The following SMAD1 variants were observed in gnomAD, a reference collection of about 807,000 sequenced individuals.
The protein encoded by SMAD1 is SMAD family member 1.
In SMAD1, 6 loss-of-function variants were observed where a neutral mutation model predicts 41.6. That is an observed-to-expected ratio of 0.14 (90% CI 0.08 to 0.28). The LOEUF is 0.28. Ranked by LOEUF, SMAD1 falls within the 10% of genes least tolerant of loss-of-function variation. The probability of loss-of-function intolerance (pLI) is 1.00; values close to 1 mark genes in which losing one functional copy is unlikely to be tolerated. For missense variants in SMAD1, 379 were observed against 582.6 expected (o/e 0.65, Z 3.60); for synonymous variants, 206 against 203.2 (o/e 1.01, Z -0.12).
chr4:145,522,472 C>T (rs1458283130), intron 2 of SMAD1, among the ~76,000 whole-genome samples: 2 of 151,498 alleles, frequency 1.3e-5, no homozygotes, highest in Non-Finnish European at 2.9e-5. Context: ...TGGTGGTGCA[C>T]GGCCTGTAAT....
At chr4:145,552,553 A>C (rs1328746514) in intron 5 of SMAD1, among the ~76,000 whole-genome samples, 4 of 152,196 alleles carry the variant, frequency 2.6e-5, no homozygotes, top group Admixed American at 2.6e-4. Context: ...TGGGTCTCAC[A>C]GGAAGAAGTT....
intron 2 of SMAD1, 133 bp from the exon 3 acceptor site, chr4:145,539,671 C>T (rs982916995): frequency 2.4e-6 from 2 of 822,540 alleles, no homozygotes; most frequent in Admixed American, 2.6e-5. Context: ...TTGAATGATG[C>T]TTTTGAGTTG....
Position 145,482,587 on chromosome 4 carries a change from G to A in SMAD1, c.-177+549G>A, listed in dbSNP as rs1406927640. On this transcript the variant is annotated intron_variant, in intron 1 of 6. Transcript: ENST00000302085. This position sits in a 1 kb window ranked among gnomAD's most constrained non-coding sequence, Gnocchi z 4.2. ...TGGTGGAGCGGGTCTCGCGGGCGGGGGACCCCGGCGCCCCGGGCCCCTCCA... is the reference window on the plus strand; with the variant it reads ...TGGTGGAGCGGGTCTCGCGGGCGGGAGACCCCGGCGCCCCGGGCCCCTCCA... 6.7e-6 allele frequency: 1 copy of A among 149,614 alleles called. No individual in the cohort carries two copies. 9.3% of individuals were successfully genotyped at this position (149,614 alleles called of 1,614,324 possible).
intron 4 of SMAD1, among the ~76,000 whole-genome samples, chr4:145,543,679 T>C (rs905051474): frequency 2.6e-5 from 4 of 152,140 alleles, no homozygotes; most frequent in African/African-American, 4.8e-5. Context: ...CAGCTCTACA[T>C]AGGCAAGTAG....
chr4:145,542,666 C>T lies in SMAD1; in HGVS notation c.743C>T (p.Ala248Val), dbSNP rs576994811. Residue 248 changes from alanine to valine, a missense_variant, in exon 4 of 7, where the codon GCG becomes GTG. Around this residue, in one of 3 missense-constraint regions of SMAD1, gnomAD observed 208 missense variants for 210.5 expected, o/e 0.99. Transcript: ENST00000302085. The stretch of plus-strand genomic sequence containing the variant: ...CAGCCGATGGACACAAACATGATGG[C>T]GCCTCCCCTGCCCTCAGAAATCAAC... ...GSQPMDTNMM[A>V]PPLPSEINRG... The T allele has an allele frequency of 3.7e-5, 59 of 1,612,348 alleles. No individual in the cohort carries two copies. Among genetic ancestry groups the T allele is most frequent in the South Asian group, 2.5e-4 (23 of 90,630 alleles).
chr4:145,510,337 C>T (rs993975696), intron 1 of SMAD1, among the ~76,000 whole-genome samples: 1 of 151,878 alleles, frequency 6.6e-6, no homozygotes, highest in Non-Finnish European at 1.5e-5. Context: ...AAATCTTTGG[C>T]GGGTATTAGA....
chr4:145,489,661 A>G (rs1728671493), intron 1 of SMAD1, among the ~76,000 whole-genome samples: 1 of 152,218 alleles, frequency 6.6e-6, no homozygotes, highest in East Asian at 1.9e-4. Flanking sequence ...CAAATGATAA[A>G]TTAGACTTGA....
chr4:145,532,963 T>A lies in SMAD1; in HGVS notation c.401-6841T>A, dbSNP rs149865657. Reference sequence around the variant, plus strand: ...GAATGTTTCTTCTTTCCTTTTTGCCTAATAGAAAACATATTTTAATTATTC... The same window carrying A: ...GAATGTTTCTTCTTTCCTTTTTGCCAAATAGAAAACATATTTTAATTATTC... On this transcript the variant is annotated intron_variant, in intron 2 of 6. Coordinates refer to ENST00000302085, the MANE Select transcript of SMAD1 (RefSeq NM_005900.3). Among the ~76,000 whole-genome samples the A allele has an allele frequency of 5.2e-5, 8 of 152,384 alleles. No individual in the cohort carries two copies. The East Asian group carries it at 1.3e-3, about 26-fold the overall frequency.
In SMAD1 at chr4:145,509,644, A is replaced by T. The variant is rs556539382; in HGVS notation, c.-176-4794A>T. On this transcript the variant is annotated intron_variant, in intron 1 of 6. Coordinates refer to ENST00000302085, the MANE Select transcript of SMAD1 (RefSeq NM_005900.3). ...AAGAAATACACTCCCTCTATAAATT[A>T]TTCCCAGAAGCCTAGAAAAAAGTTC... Among the ~76,000 whole-genome samples the T allele has an allele frequency of 5.3e-5, 8 of 152,272 alleles. No individual in the cohort carries two copies. In the South Asian group the frequency reaches 1.7e-3, roughly 32 times the overall value.
chr4:145,509,856 G>A (rs1371216121), intron 1 of SMAD1, among the ~76,000 whole-genome samples: 3 of 152,048 alleles, frequency 2.0e-5, no homozygotes, highest in Non-Finnish European at 2.9e-5. Flanking sequence ...GGAAAACAGC[G>A]GACACCCTGT....
At chr4:145,545,221 C>G (rs1420920835) in intron 4 of SMAD1, 1 of 152,140 alleles carries the variant, frequency 6.6e-6, no homozygotes, top group East Asian at 1.9e-4. Context: ...TTCTGTGTTA[C>G]AAGGGCAGAA....
In SMAD1 at chr4:145,558,826, C is replaced by T. The variant is rs1388054316; in HGVS notation, c.*892C>T. Reference sequence around the variant, plus strand: ...TGTGAGAGCAAATGAATAATTCCTGCTATTCTGAAATTGCCTACATGTTTC... The same window carrying T: ...TGTGAGAGCAAATGAATAATTCCTGTTATTCTGAAATTGCCTACATGTTTC... On this transcript the variant is annotated 3_prime_UTR_variant, in exon 7 of 7. Coordinates refer to ENST00000302085, the MANE Select transcript of SMAD1 (RefSeq NM_005900.3). Among the ~76,000 whole-genome samples, 2 of 152,066 alleles carry T rather than the reference C, an allele frequency of 1.3e-5. No homozygotes were observed. The highest frequency in any genetic ancestry group is 2.9e-5 in the Non-Finnish European group (2 of 68,026).
chr4:145,486,908 C>T (rs192539697), intron 1 of SMAD1, among the ~76,000 whole-genome samples: 2 of 152,186 alleles, frequency 1.3e-5, no homozygotes, highest in Non-Finnish European at 1.5e-5. Context: ...TTTCTCCCTA[C>T]CACGCTCACG....
rs570180289 is a variant in SMAD1, at chr4:145,548,324, G to T, written c.997+1400G>T. ...GCTCACTGCAACCTCCACCTCCCAG[G>T]TTCAAGTGATTCTTGTGCCTCAGCC... On this transcript the variant is annotated intron_variant, in intron 5 of 6. Transcript: ENST00000302085. Among the ~76,000 whole-genome samples the T allele has an allele frequency of 4.6e-5, 7 of 152,108 alleles. No individual in the cohort carries two copies. The South Asian group carries it at 1.0e-3, about 23-fold the overall frequency.
In SMAD1 at chr4:145,488,596, T is replaced by TG. The variant is rs542887602; in HGVS notation, c.-177+6565dup. On this transcript the variant is annotated intron_variant, in intron 1 of 6. Coordinates refer to ENST00000302085, the MANE Select transcript of SMAD1 (RefSeq NM_005900.3). ...GTTTCAAACACTTCAAGAAAAAAGG[T>TG]GGGGGGGAGACTCTCTCAACGGTTA... Among the ~76,000 whole-genome samples the TG allele has an allele frequency of 4.4e-3, 670 of 151,404 alleles. 5 individuals are homozygous for TG. The highest frequency in any genetic ancestry group is 0.015 in the African/African-American group (634 of 41,266).
intron 1 of SMAD1, among the ~76,000 whole-genome samples, chr4:145,496,860 G>A (rs757147987): frequency 6.6e-6 from 1 of 152,176 alleles, no homozygotes; most frequent in Non-Finnish European, 1.5e-5. Flanking sequence ...AGTGATAAAA[G>A]TTTCTTGAGT....
chr4:145,518,634 T>C lies in SMAD1; in HGVS notation c.400+3621T>C, dbSNP rs566261709. ...GGTCTGGAATTCTAAGCTGCACATA[T>C]ACACAGCTCAACACTGAATTATTTT... is the stretch of plus-strand genomic sequence containing the variant. On this transcript the variant is annotated intron_variant, in intron 2 of 6. Coordinates refer to ENST00000302085, the MANE Select transcript of SMAD1 (RefSeq NM_005900.3). Among the ~76,000 whole-genome samples, 20 of 126,906 alleles carry C rather than the reference T, an allele frequency of 1.6e-4. 5 individuals are homozygous for C. The highest frequency in any genetic ancestry group is 3.3e-4 in the African/African-American group (13 of 39,756). 83.3% of individuals were successfully genotyped at this position (126,906 alleles called of 152,430 possible).
intron 2 of SMAD1, among the ~76,000 whole-genome samples, chr4:145,534,183 A>C (rs1448295894): frequency 6.6e-6 from 1 of 152,232 alleles, no homozygotes; most frequent in African/African-American, 2.4e-5. Flanking sequence ...TCCAGCCTTC[A>C]CAGCAACAGT....
intron 2 of SMAD1, among the ~76,000 whole-genome samples, chr4:145,524,748 C>A (rs1730936681): frequency 1.4e-5 from 2 of 147,830 alleles, no homozygotes; most frequent in African/African-American, 5.0e-5. Context: ...GTTCATAGAG[C>A]AGAAAGAACA....
Sources: allele counts gnomAD v4.1 joint callset (sites outside exome capture counted in the v4.1 genomes callset), GRCh38; gene constraint gnomAD v4.1.1; regional missense constraint gnomAD v4.1.1; non-coding constraint Gnocchi (gnomAD v3.1); transcripts MANE v1.5; gene names NCBI Gene and HGNC (gene_info 2026-07-23, HGNC 2026-07-21).